Variants in PPARGC1B observed in about 807,000 individuals in gnomAD.
PPARGC1B encodes the protein peroxisome proliferator-activated receptor gamma coactivator 1-beta.
In PPARGC1B, 34 loss-of-function variants were observed where a neutral mutation model predicts 101.6. The ratio of observed to expected loss-of-function variants is 0.33; its 90% confidence interval spans 0.25 to 0.45. The LOEUF (loss-of-function observed/expected upper bound fraction) is 0.45, where lower values mean the gene tolerates loss of function less well. Ranked by LOEUF, PPARGC1B falls within the 20% of genes least tolerant of loss-of-function variation. PPARGC1B has a pLI of 1.00. For synonymous variants in PPARGC1B, 548 were observed against 539.3 expected, an observed-to-expected ratio of 1.02 and a Z score of -0.22; for missense variants, 1,234 against 1,317.6, an observed-to-expected ratio of 0.94 and a Z score of 0.98.
chr5:149,789,592 C>G (rs1206569296), intron 1 of PPARGC1B, among the ~76,000 whole-genome samples: 2 of 152,188 alleles, frequency 1.3e-5, no homozygotes, highest in African/African-American at 4.8e-5. Context: ...ATTTAATCCT[C>G]AAAACAATTC....
intron 1 of PPARGC1B, among the ~76,000 whole-genome samples, chr5:149,747,747 C>G (rs1755141846): frequency 6.6e-6 from 1 of 152,194 alleles, no homozygotes. Context: ...GGTCCAGCCC[C>G]AACAGGAATG....
intron 1 of PPARGC1B, among the ~76,000 whole-genome samples, chr5:149,792,789 G>A (rs926798690): frequency 6.6e-6 from 1 of 152,032 alleles, no homozygotes; most frequent in Non-Finnish European, 1.5e-5. Flanking sequence ...TGCATGCTTG[G>A]GTGCTTAAGA....
In PPARGC1B at chr5:149,850,922, A is replaced by G. The variant is rs1759740744; in HGVS notation, c.*3364A>G. The G allele has an allele frequency of 6.6e-6, 1 of 152,102 alleles. No homozygotes were observed. Among genetic ancestry groups the G allele is most frequent in the Admixed American group, 6.5e-5 (1 of 15,274 alleles). 9.4% of individuals were successfully genotyped at this position (152,102 alleles called of 1,614,324 possible). A position where few individuals can be genotyped will look rare whatever the true frequency, so the allele number is the denominator to read the frequency against. ...CTGGTTACCGAAGGAAAATGCATCA[A>G]AGAGTTAAAGAATATGAGTGGATGG... On this transcript the variant is annotated 3_prime_UTR_variant, in exon 12 of 12. Transcript: ENST00000309241.
chr5:149,806,533 G>A (rs973271042), intron 1 of PPARGC1B, among the ~76,000 whole-genome samples: 3 of 152,212 alleles, frequency 2.0e-5, no homozygotes, highest in East Asian at 1.9e-4. Flanking sequence ...ACCAGAGAAC[G>A]TGGACACTAT....
chr5:149,755,947 G>A (rs1354731355), intron 1 of PPARGC1B, among the ~76,000 whole-genome samples: 1 of 152,134 alleles, frequency 6.6e-6, no homozygotes. Flanking sequence ...CCCGGCCTAT[G>A]GTGTCATTGT....
chr5:149,730,487 C>A lies in PPARGC1B; in HGVS notation c.78+67C>A. The A allele has an allele frequency of 7.5e-7, 1 of 1,326,198 alleles. No individual in the cohort carries two copies. The allele number at this position is 1,326,198 out of a possible 1,614,324, so 82.2% of individuals were successfully genotyped here. ...GAGCTGCGGGGGCCGCAGCTGCAGCCGCGGAGGCCGGGAGGCAGCGGTGGG... is the reference window on the plus strand; with the variant it reads ...GAGCTGCGGGGGCCGCAGCTGCAGCAGCGGAGGCCGGGAGGCAGCGGTGGG... On this transcript the variant is annotated intron_variant, in intron 1 of 11. Coordinates refer to ENST00000309241, the MANE Select transcript of PPARGC1B (RefSeq NM_133263.4). This position sits in a 1 kb window ranked among gnomAD's most constrained non-coding sequence, Gnocchi z 4.0.
At chr5:149,813,697 T>G (rs956170374) in intron 1 of PPARGC1B, among the ~76,000 whole-genome samples, 21 of 152,128 alleles carry the variant, frequency 1.4e-4, no homozygotes, top group African/African-American at 5.1e-4. Flanking sequence ...AACTAGAAAG[T>G]GCTATATCTG....
intron 1 of PPARGC1B, among the ~76,000 whole-genome samples, chr5:149,733,421 A>G (rs1321437373): frequency 1.3e-5 from 2 of 152,130 alleles, no homozygotes; most frequent in Non-Finnish European, 2.9e-5. Flanking sequence ...CTCCTCTACT[A>G]GGCTCTCCCA....
Position 149,850,790 on chromosome 5 carries a change from C to T in PPARGC1B, c.*3232C>T, listed in dbSNP as rs531069081. ...CAGGTCGTACTGTCCGTTTCTGTGC[C>T]GTGCTGGTGTTTTCCAAAAATGTCT... On this transcript the variant is annotated 3_prime_UTR_variant, in exon 12 of 12. Coordinates refer to ENST00000309241, the MANE Select transcript of PPARGC1B (RefSeq NM_133263.4). The T allele has an allele frequency of 2.0e-5, 3 of 152,310 alleles. No homozygotes were observed. Among genetic ancestry groups the T allele is most frequent in the Non-Finnish European group, 2.9e-5 (2 of 68,084 alleles). The allele number at this position is 152,310 out of a possible 1,614,324, so 9.4% of individuals were successfully genotyped here.
chr5:149,811,236 G>A (rs79694606), intron 1 of PPARGC1B, among the ~76,000 whole-genome samples: 7,014 of 152,290 alleles, frequency 0.046, 307 homozygotes, highest in Admixed American at 0.14. Context: ...CCAGTTTCAG[G>A]ATGCATTCAG....
chr5:149,842,394 C>A lies in PPARGC1B; in HGVS notation c.2816+17C>A. 6.2e-7 allele frequency: 1 copy of A among 1,611,358 alleles called. No individual in the cohort carries two copies. The highest frequency in any genetic ancestry group is 2.2e-5 in the East Asian group (1 of 44,768). ...AAATAGGAGGTGAGTTGAACCAAGC[C>A]ATGGCAAATGAAGGGAGCAGAGAGG... On this transcript the variant is annotated intron_variant, in intron 10 of 11. Coordinates refer to ENST00000309241, the MANE Select transcript of PPARGC1B (RefSeq NM_133263.4).
intron 1 of PPARGC1B, among the ~76,000 whole-genome samples, chr5:149,801,612 G>T (rs1757432751): frequency 6.6e-6 from 1 of 152,162 alleles, no homozygotes; most frequent in Non-Finnish European, 1.5e-5. Flanking sequence ...AAGAGTTTCA[G>T]TCTTTACCTG....
chr5:149,854,607 T>G lies in PPARGC1B; in HGVS notation c.*7049T>G, dbSNP rs893811893. ...TATATATTTTTTCCATTTTGTTGGG[T>G]TGTGTCCTTATTTATATAAATACTT... On this transcript the variant is annotated 3_prime_UTR_variant, in exon 12 of 12. Transcript: ENST00000309241. The G allele has an allele frequency of 3.3e-5, 5 of 152,178 alleles. No individual in the cohort carries two copies. The highest frequency in any genetic ancestry group is 1.2e-4 in the African/African-American group (5 of 41,426). The allele number at this position is 152,178 out of a possible 1,614,324, so 9.4% of individuals were successfully genotyped here. A position where few individuals can be genotyped will look rare whatever the true frequency, so the allele number is the denominator to read the frequency against.
intron 9 of PPARGC1B, among the ~76,000 whole-genome samples, chr5:149,841,965 G>A (rs1759357043): frequency 6.6e-6 from 1 of 152,192 alleles, no homozygotes; most frequent in African/African-American, 2.4e-5. Context: ...TGAATATGCA[G>A]GCATATCAAT....
At position 149,849,150 on chromosome 5, in the gene PPARGC1B, C is replaced by T. The variant is rs1342720694; in HGVS notation, c.*1592C>T. The T allele has an allele frequency of 2.0e-5, 3 of 151,986 alleles. No individual in the cohort carries two copies. The highest frequency in any genetic ancestry group is 2.9e-5 in the Non-Finnish European group (2 of 68,014). 9.4% of individuals were successfully genotyped at this position (151,986 alleles called of 1,614,324 possible). A position where few individuals can be genotyped will look rare whatever the true frequency, so the allele number is the denominator to read the frequency against. On this transcript the variant is annotated 3_prime_UTR_variant, in exon 12 of 12. Transcript: ENST00000309241. ...AAAAATTTGAAAGTGGCTCATTAAA[C>T]TAAACAGGCTAATGTAATTTGTTGC...
intron 1 of PPARGC1B, among the ~76,000 whole-genome samples, chr5:149,782,312 A>T (rs1200760553): frequency 1.3e-5 from 2 of 152,006 alleles, no homozygotes; most frequent in African/African-American, 2.4e-5. Context: ...ACTCTTAAAA[A>T]TTTTTTTTCT....
chr5:149,792,574 G>A (rs564844436), intron 1 of PPARGC1B, among the ~76,000 whole-genome samples: 1 of 152,164 alleles, frequency 6.6e-6, no homozygotes, highest in African/African-American at 2.4e-5. Context: ...AATTCTGGCC[G>A]GCGGCACTAC....
At chr5:149,791,064 G>A (rs1303377377) in intron 1 of PPARGC1B, among the ~76,000 whole-genome samples, 11 of 151,958 alleles carry the variant, frequency 7.2e-5, no homozygotes, top group African/African-American at 1.7e-4. Context: ...CAAGGCGGGC[G>A]GATCACTTGA....
intron 1 of PPARGC1B, among the ~76,000 whole-genome samples, chr5:149,773,693 C>T (rs1756236799): frequency 6.6e-6 from 1 of 152,170 alleles, no homozygotes; most frequent in South Asian, 2.1e-4. Flanking sequence ...GGAGGCAGAG[C>T]GGCCGCGGGA....
Sources: gnomAD v4.1 joint callset for allele counts (sites outside exome capture counted in the v4.1 genomes callset) on GRCh38, gnomAD v4.1.1 for gene constraint, Gnocchi (gnomAD v3.1) non-coding constraint, MANE v1.5 for transcripts, NCBI Gene and HGNC (gene_info 2026-07-23, HGNC 2026-07-21) for gene names.